Variants in ADAMTS18 observed in about 807,000 individuals in gnomAD.
ADAMTS18 encodes the protein A disintegrin and metalloproteinase with thrombospondin motifs 18.
Under a neutral mutation model 165.9 loss-of-function variants are expected in ADAMTS18, and 157 were observed. The ratio of observed to expected loss-of-function variants is 0.95; its 90% confidence interval spans 0.83 to 1.08. The LOEUF (loss-of-function observed/expected upper bound fraction) is 1.08. ADAMTS18 is among the 50% of genes least tolerant of loss of function. ADAMTS18 has a pLI of 0.00. For missense variants in ADAMTS18, 2,040 were observed against 1,534.0 expected (o/e 1.33, Z -5.51); for synonymous variants, 782 against 578.2 (o/e 1.35, Z -5.06).
chr16:77,388,883 T>C (rs2057146407), intron 3 of ADAMTS18, among the ~76,000 whole-genome samples: 1 of 152,246 alleles, frequency 6.6e-6, no homozygotes, highest in Non-Finnish European at 1.5e-5. Context: ...TTTGTCGATT[T>C]AATGACTAAT....
At chr16:77,326,831 C>A (rs1237652345) in intron 12 of ADAMTS18, among the ~76,000 whole-genome samples, 1 of 152,200 alleles carries the variant, frequency 6.6e-6, no homozygotes, top group Admixed American at 6.5e-5. Flanking sequence ...AGGTAATAAG[C>A]ATAATATCTG....
intron 3 of ADAMTS18, among the ~76,000 whole-genome samples, chr16:77,379,183 G>C (rs1236437222): frequency 6.6e-6 from 1 of 152,196 alleles, no homozygotes; most frequent in African/African-American, 2.4e-5. Context: ...CTTCTCTCAT[G>C]AGGCGCCTTC....
At chr16:77,308,524 T>C (rs1299294539) in intron 16 of ADAMTS18, among the ~76,000 whole-genome samples, 3 of 151,470 alleles carry the variant, frequency 2.0e-5, no homozygotes, top group Non-Finnish European at 4.4e-5. Flanking sequence ...ATACCTCATC[T>C]CTAGTCACTT....
rs770807922 is a variant in ADAMTS18, at chr16:77,356,033, G to C, written c.1367C>G (p.Ala456Gly). 1 of 1,614,044 alleles carries C rather than the reference G, an allele frequency of 6.2e-7. No homozygotes were observed. The highest frequency in any genetic ancestry group is 8.5e-7 in the Non-Finnish European group (1 of 1,179,982). ...HDGEGNPCRK[A>G]EGNIMSPTLT... Reference sequence around the variant, plus strand: ...TGTGGGAGACATGATATTGCCTTCAGCCTTTCTGCAGGGATTCCCTTCTCC... The same window carrying C: ...TGTGGGAGACATGATATTGCCTTCACCCTTTCTGCAGGGATTCCCTTCTCC... Residue 456 changes from alanine (A) to glycine (G), a missense_variant, in exon 9 of 23, where the codon GCT becomes GGT. Coordinates refer to ENST00000282849, the MANE Select transcript of ADAMTS18 (RefSeq NM_199355.4).
At chr16:77,376,250 G>T (rs937761750) in intron 3 of ADAMTS18, among the ~76,000 whole-genome samples, 1 of 151,990 alleles carries the variant, frequency 6.6e-6, no homozygotes, top group Non-Finnish European at 1.5e-5. Context: ...AGAGTGAAGG[G>T]GTATGTGCTA....
chr16:77,330,714 T>C (rs555121085), intron 12 of ADAMTS18, among the ~76,000 whole-genome samples: 2 of 152,152 alleles, frequency 1.3e-5, no homozygotes, highest in South Asian at 2.1e-4. Context: ...CAGAGCCAGA[T>C]AGCAGTCAAC....
rs764955628 is a variant in ADAMTS18, at chr16:77,320,021, C to G, written c.2360G>C (p.Ser787Thr). 12 of 1,614,126 alleles carry G rather than the reference C, an allele frequency of 7.4e-6. No individual in the cohort carries two copies. The South Asian group carries it at 1.3e-4, about 18-fold the overall frequency. Residue 787 changes from serine (S) to threonine (T), a missense_variant, in exon 16 of 23, where the codon AGT (serine) becomes ACT (threonine). Ser to Thr is a moderately conservative substitution (Grantham distance 58, BLOSUM62 1). Transcript: ENST00000282849. The part of the protein sequence containing the change: ...IEIQELQVSS[S>T]YLAVRSLSQK... ...ACTGAGGCTTCGAACTGCGAGGTAA[C>G]TGGAGGAAACCTGCAGCTCCTGGAT...
At chr16:77,314,836 C>T (rs1463864443) in intron 16 of ADAMTS18, among the ~76,000 whole-genome samples, 2 of 125,136 alleles carry the variant, frequency 1.6e-5, no homozygotes, top group South Asian at 2.5e-4. Context: ...TAGTAATTAA[C>T]ATTATGGGCT....
At chr16:77,411,267 G>T (rs143797866) in intron 3 of ADAMTS18, among the ~76,000 whole-genome samples, 1 of 152,002 alleles carries the variant, frequency 6.6e-6, no homozygotes, top group African/African-American at 2.4e-5. Context: ...TATATCTCCC[G>T]GTCTCTGTCA....
At chr16:77,361,496 C>T (rs2056712397) in intron 7 of ADAMTS18, among the ~76,000 whole-genome samples, 1 of 152,184 alleles carries the variant, frequency 6.6e-6, no homozygotes, top group South Asian at 2.1e-4. Flanking sequence ...TCTTCAGCTA[C>T]CTGATTCTGT....
Position 77,398,319 on chromosome 16 carries a change from A to AACAAC in ADAMTS18, c.496-30597_496-30596insGTTGT, listed in dbSNP as rs2057284666. 4.6e-5 allele frequency among the ~76,000 whole-genome samples: 7 copies of AACAAC among 151,070 alleles called. No homozygotes were observed. In the South Asian group the frequency reaches 1.5e-3, roughly 32 times the overall value. On this transcript the variant is annotated intron_variant, in intron 3 of 22. Transcript: ENST00000282849. ...GAAACAGAGAGACACTCTGTCTCAA[A>AACAAC]AACAACAACAACAACAACAACAACA...
At chr16:77,303,309 C>G (rs1385029220) in intron 16 of ADAMTS18, among the ~76,000 whole-genome samples, 1 of 152,082 alleles carries the variant, frequency 6.6e-6, no homozygotes, top group Admixed American at 6.6e-5. Context: ...CGGATGACAC[C>G]CCGCCTCTGA....
chr16:77,304,513 C>G (rs774122979), intron 16 of ADAMTS18, among the ~76,000 whole-genome samples: 3 of 152,186 alleles, frequency 2.0e-5, no homozygotes, highest in Non-Finnish European at 4.4e-5. Context: ...TCTATTCCCC[C>G]CTCTGAAAAA....
chr16:77,419,260 CT>C (rs968842130), intron 3 of ADAMTS18, among the ~76,000 whole-genome samples: 1 of 152,108 alleles, frequency 6.6e-6, no homozygotes, highest in Non-Finnish European at 1.5e-5. Context: ...GGCTACATTC[CT>C]TTTTGGAGGC....
intron 3 of ADAMTS18, among the ~76,000 whole-genome samples, chr16:77,375,122 A>G (rs949475636): frequency 3.3e-5 from 5 of 152,116 alleles, no homozygotes; most frequent in Non-Finnish European, 7.3e-5. Flanking sequence ...GTGGCCTCCA[A>G]TTCAATGGGG....
chr16:77,377,537 A>G (rs1005884076), intron 3 of ADAMTS18, among the ~76,000 whole-genome samples: 4 of 152,268 alleles, frequency 2.6e-5, no homozygotes, highest in Admixed American at 2.0e-4. Flanking sequence ...GAAGTATTTG[A>G]AATAATAATA....
intron 16 of ADAMTS18, among the ~76,000 whole-genome samples, chr16:77,318,115 G>A: frequency 6.6e-6 from 1 of 152,178 alleles, no homozygotes; most frequent in Non-Finnish European, 1.5e-5. Flanking sequence ...ACAAGTTTAT[G>A]AACACAATCT....
intron 3 of ADAMTS18, among the ~76,000 whole-genome samples, chr16:77,396,124 C>A (rs1398060296): frequency 6.6e-6 from 1 of 152,156 alleles, no homozygotes; most frequent in Non-Finnish European, 1.5e-5. Flanking sequence ...TTTTCACTAG[C>A]CATTGACGAC....
chr16:77,340,794 C>G (rs1161036745), intron 11 of ADAMTS18, among the ~76,000 whole-genome samples: 1 of 152,096 alleles, frequency 6.6e-6, no homozygotes, highest in African/African-American at 2.4e-5. Context: ...TCTTGAACTC[C>G]TGGCTTCAAG....
Sources: allele counts gnomAD v4.1 joint callset (sites outside exome capture counted in the v4.1 genomes callset), GRCh38; gene constraint gnomAD v4.1.1; transcripts MANE v1.5; gene names NCBI Gene and HGNC (gene_info 2026-07-23, HGNC 2026-07-21).